The following PDSS2 variants were observed in gnomAD, a reference collection of about 807,000 sequenced individuals.
The protein encoded by PDSS2 is decaprenyl diphosphate synthase subunit 2, also known as all trans-polyprenyl-diphosphate synthase PDSS2.
A neutral mutation model predicts 44.5 loss-of-function variants in PDSS2; 31 were observed. The observed-to-expected ratio is 0.70, with a 90% CI of 0.52 to 0.94. The LOEUF is 0.94. Ranked by LOEUF, PDSS2 falls within the 40% of genes least tolerant of loss-of-function variation. The pLI, the probability that PDSS2 is intolerant of heterozygous loss-of-function variation, is 0.00. For missense variants in PDSS2, 452 were observed against 482.2 expected (o/e 0.94, Z 0.59); for synonymous variants, 157 against 180.3 (o/e 0.87, Z 1.03).
At chr6:107,182,324 T>C (rs1296293581) in intron 7 of PDSS2, among the ~76,000 whole-genome samples, 2 of 152,182 alleles carry the variant, frequency 1.3e-5, no homozygotes, top group East Asian at 1.9e-4. Context: ...ATTTTATTTA[T>C]GTATTTATTT....
chr6:107,259,354 G>T (rs553206345), intron 3 of PDSS2, among the ~76,000 whole-genome samples: 2 of 152,000 alleles, frequency 1.3e-5, no homozygotes, highest in African/African-American at 4.8e-5. Context: ...CTTATTGGGG[G>T]ATAAAAAGAA....
intron 3 of PDSS2, among the ~76,000 whole-genome samples, chr6:107,252,499 G>C (rs1774854504): frequency 6.6e-6 from 1 of 152,186 alleles, no homozygotes; most frequent in African/African-American, 2.4e-5. Flanking sequence ...AACAGGACAG[G>C]TGCAGCAAAA....
chr6:107,383,807 G>A (rs890168272), intron 1 of PDSS2, among the ~76,000 whole-genome samples: 1 of 152,198 alleles, frequency 6.6e-6, no homozygotes, highest in Non-Finnish European at 1.5e-5. Flanking sequence ...AAGATGTGGA[G>A]AAATGGAACC....
intron 4 of PDSS2, among the ~76,000 whole-genome samples, chr6:107,240,314 C>T (rs549238901): frequency 1.3e-5 from 2 of 152,060 alleles, no homozygotes; most frequent in Admixed American, 1.3e-4. Flanking sequence ...AAGGCAAGGA[C>T]TGCTTGAGCC....
chr6:107,254,594 G>A (rs1012138816), intron 3 of PDSS2, among the ~76,000 whole-genome samples: 12 of 152,268 alleles, frequency 7.9e-5, no homozygotes, highest in African/African-American at 2.4e-4. Context: ...GTTGTACTCA[G>A]GATATACCAT....
At position 107,216,400 on chromosome 6, in the gene PDSS2, G is replaced by C. The variant is rs148623826; in HGVS notation, c.703-4118C>G. Among the ~76,000 whole-genome samples, 161 of 152,112 alleles carry C rather than the reference G, an allele frequency of 1.1e-3. 1 individual carries two copies. The highest frequency in any genetic ancestry group is 3.6e-3 in the African/African-American group (151 of 41,486). ...AGGCAGGAGGATCACTCGAACCAGG[G>C]AGGCAGAGGTTGCAGTGAGCTGAGA... On this transcript the variant is annotated intron_variant, in intron 4 of 7. Transcript: ENST00000369037.
At position 107,237,926 on chromosome 6, in the gene PDSS2, T is replaced by G. The variant is rs185978841; in HGVS notation, c.702+7622A>C. The stretch of plus-strand genomic sequence containing the variant: ...AAAAAAAAAAAAAAAGAAAAGAAAA[T>G]AAATGGACAGAAGGACAGAAGTTAT... On this transcript the variant is annotated intron_variant, in intron 4 of 7. Coordinates refer to ENST00000369037, the MANE Select transcript of PDSS2 (RefSeq NM_020381.4). Among the ~76,000 whole-genome samples the G allele has an allele frequency of 9.1e-4, 101 of 110,470 alleles. No homozygotes were observed. In the Middle Eastern group the frequency reaches 0.036, roughly 39 times the overall value. The allele number at this position is 110,470 out of a possible 152,430, so 72.5% of individuals were successfully genotyped here.
chr6:107,256,807 C>G (rs1339036125), intron 3 of PDSS2, among the ~76,000 whole-genome samples: 5 of 151,874 alleles, frequency 3.3e-5, no homozygotes, highest in African/African-American at 7.3e-5. Flanking sequence ...GTAGGAGAAG[C>G]CTCTGAGCCC....
chr6:107,288,890 C>T (rs1345850822), intron 2 of PDSS2, among the ~76,000 whole-genome samples: 1 of 149,520 alleles, frequency 6.7e-6, no homozygotes, highest in African/African-American at 2.5e-5. Flanking sequence ...TCCCGAGTAG[C>T]TGGGATTACA....
intron 7 of PDSS2, among the ~76,000 whole-genome samples, chr6:107,163,849 C>T (rs1162312873): frequency 2.0e-5 from 3 of 152,130 alleles, no homozygotes; most frequent in African/African-American, 7.2e-5. Context: ...GTGATCCGTC[C>T]ACCTCGGCCT....
At chr6:107,381,271 T>G (rs1208086252) in intron 1 of PDSS2, among the ~76,000 whole-genome samples, 8 of 152,232 alleles carry the variant, frequency 5.3e-5, no homozygotes, top group Non-Finnish European at 1.0e-4. Flanking sequence ...CCCATCTTTC[T>G]TGTTTTTGCA....
chr6:107,334,915 G>C (rs756482766), intron 1 of PDSS2, among the ~76,000 whole-genome samples: 29 of 151,836 alleles, frequency 1.9e-4, no homozygotes, highest in Non-Finnish European at 3.8e-4. Flanking sequence ...CCAGTGCTTT[G>C]GGGGGCCAAG....
chr6:107,283,000 A>G (rs1305801305), intron 2 of PDSS2, among the ~76,000 whole-genome samples: 1 of 151,484 alleles, frequency 6.6e-6, no homozygotes, highest in Non-Finnish European at 1.5e-5. Context: ...CTAGGGAAAC[A>G]GCTGTGAGCC....
chr6:107,171,681 A>G (rs1159260036), intron 7 of PDSS2, among the ~76,000 whole-genome samples: 1 of 151,802 alleles, frequency 6.6e-6, no homozygotes, highest in Non-Finnish European at 1.5e-5. Context: ...TGGCTAATTT[A>G]TTTATTTTTA....
At chr6:107,359,007 C>CTTTT (rs59632305) in intron 1 of PDSS2, among the ~76,000 whole-genome samples, 11,190 of 92,732 alleles carry the variant, frequency 0.12, 1,127 homozygotes, top group East Asian at 0.34. Context: ...CATTCTCGCT[C>CTTTT]TTTTTTTTTT....
chr6:107,256,584 T>C (rs1171154247), intron 3 of PDSS2, among the ~76,000 whole-genome samples: 1 of 152,174 alleles, frequency 6.6e-6, no homozygotes, highest in Non-Finnish European at 1.5e-5. Context: ...ATCCATGCAA[T>C]TTGACTAAAG....
intron 7 of PDSS2, among the ~76,000 whole-genome samples, chr6:107,156,962 G>T (rs1770921956): frequency 6.6e-6 from 1 of 152,128 alleles, no homozygotes. Flanking sequence ...ACCTCAGTTA[G>T]TTTTTGCAAT....
intron 1 of PDSS2, among the ~76,000 whole-genome samples, chr6:107,425,023 T>C (rs1583067546): frequency 6.6e-6 from 1 of 152,304 alleles, no homozygotes; most frequent in East Asian, 1.9e-4. Flanking sequence ...CTGATGGTTT[T>C]AAAAACGGGA....
At chr6:107,289,170 C>T (rs113993630) in intron 2 of PDSS2, among the ~76,000 whole-genome samples, 24,220 of 150,376 alleles carry the variant, frequency 0.16, 2,531 homozygotes, top group East Asian at 0.31. Context: ...GTCAGCAGTT[C>T]GAGACCAGTC....
Sources: gnomAD v4.1 joint callset for allele counts (sites outside exome capture counted in the v4.1 genomes callset) on GRCh38, gnomAD v4.1.1 for gene constraint, MANE v1.5 for transcripts, NCBI Gene and HGNC (gene_info 2026-07-23, HGNC 2026-07-21) for gene names.